The following CRYGN variants were observed in gnomAD, a reference collection of about 807,000 sequenced individuals.
CRYGN encodes gamma-crystallin N.
Under a neutral mutation model 19.2 loss-of-function variants are expected in CRYGN, and 17 were observed. That is an observed-to-expected ratio of 0.89 (90% confidence interval 0.61 to 1.33). CRYGN has a LOEUF of 1.33. Ranked by LOEUF, CRYGN falls within the 40% of genes most tolerant of loss-of-function variation. The pLI, the probability that CRYGN is intolerant of heterozygous loss-of-function variation, is 0.00. For synonymous variants in CRYGN, 84 were observed against 85.8 expected (o/e 0.98, Z 0.12); for missense variants, 239 against 239.6 (o/e 1.00, Z 0.02).
rs773826703 is a variant in CRYGN at position 151,436,193 on chromosome 7, A to C, written c.403T>G (p.Tyr135Asp). 1 of 1,536,006 alleles carries C rather than the reference A, an allele frequency of 6.5e-7. No homozygotes were observed. The highest frequency in any genetic ancestry group is 1.4e-5 in the African/African-American group (1 of 71,848). Residue 135 changes from tyrosine to aspartate, a missense_variant, in exon 3 of 4, where the codon TAC (tyrosine) becomes GAC (aspartate). Coordinates refer to ENST00000337323, the MANE Select transcript of CRYGN (RefSeq NM_144727.3). This position sits in a 1 kb window ranked among gnomAD's most constrained non-coding sequence, Gnocchi z 5.1. The stretch of plus-strand genomic sequence containing the variant: ...GCCTGTACTCACGCTCCGTCCCCGT[A>C]CACCTTGATGGTGTTCACACAGTTC... ...VKNCVNTIKV[Y>D]GDGAAWSPRS...
Position 151,431,212 on chromosome 7 carries a change from C to T in CRYGN, c.417-1032G>A, listed in dbSNP as rs1584821260. Among the ~76,000 whole-genome samples the T allele has an allele frequency of 1.3e-5, 2 of 152,280 alleles. No homozygotes were observed. Among genetic ancestry groups the T allele is most frequent in the African/African-American group, 2.4e-5 (1 of 41,562 alleles). On this transcript the variant is annotated intron_variant, in intron 3 of 3. Coordinates refer to ENST00000337323, the MANE Select transcript of CRYGN (RefSeq NM_144727.3). This position sits in a 1 kb window ranked among gnomAD's most constrained non-coding sequence, Gnocchi z 4.8. Reference sequence around the variant, plus strand: ...CACCCCCAGGGACCAGAGTTCCCCTCGTGGGACCTTTCCTCTCTCCCCAGT... The same window carrying T: ...CACCCCCAGGGACCAGAGTTCCCCTTGTGGGACCTTTCCTCTCTCCCCAGT...
rs1801422507 is a variant in CRYGN, at chr7:151,429,747, A to G, written c.*301T>C. 2.2e-6 allele frequency: 1 copy of G among 444,740 alleles called. No homozygotes were observed. Among genetic ancestry groups the G allele is most frequent in the Non-Finnish European group, 4.1e-6 (1 of 242,966 alleles). The allele number at this position is 444,740 out of a possible 1,614,324, so 27.5% of individuals were successfully genotyped here. Reference sequence around the variant, plus strand: ...GGCATTAAGTCAGTGCTCCATAAATATTCATCAACATCATCACCATCATCA... The same window carrying G: ...GGCATTAAGTCAGTGCTCCATAAATGTTCATCAACATCATCACCATCATCA... On this transcript the variant is annotated 3_prime_UTR_variant, in exon 4 of 4. Coordinates refer to ENST00000337323, the MANE Select transcript of CRYGN (RefSeq NM_144727.3).
chr7:151,429,658 T>C lies in CRYGN; in HGVS notation c.*390A>G, dbSNP rs1193493939. On this transcript the variant is annotated 3_prime_UTR_variant, in exon 4 of 4. Coordinates refer to ENST00000337323, the MANE Select transcript of CRYGN (RefSeq NM_144727.3). ...CTCAACTGTACAGTGGTGATAAGCATATCATCTTGGCATTATTGTATATGA... is the reference window on the plus strand; with the variant it reads ...CTCAACTGTACAGTGGTGATAAGCACATCATCTTGGCATTATTGTATATGA... 1 of 293,016 alleles carries C rather than the reference T, an allele frequency of 3.4e-6. No individual in the cohort carries two copies. The highest frequency in any genetic ancestry group is 6.6e-6 in the Non-Finnish European group (1 of 151,844). 18.2% of individuals were successfully genotyped at this position (293,016 alleles called of 1,614,324 possible).
chr7:151,435,065 C>A lies in CRYGN; in HGVS notation c.416+1115G>T, dbSNP rs1039830548. ...GGTTGGAGCCCATGGACATGGGGTA[C>A]CACCTGTGCCCAGCTCTGCCTCGGC... On this transcript the variant is annotated intron_variant, in intron 3 of 3. Transcript: ENST00000337323. The surrounding 1 kb of genome is among the most constrained non-coding windows in gnomAD (Gnocchi z 4.2). Among the ~76,000 whole-genome samples, 1 of 152,242 alleles carries A rather than the reference C, an allele frequency of 6.6e-6. No individual in the cohort carries two copies. The highest frequency in any genetic ancestry group is 1.5e-5 in the Non-Finnish European group (1 of 68,046).
chr7:151,430,849 T>C lies in CRYGN; in HGVS notation c.417-669A>G, dbSNP rs1801447598. On this transcript the variant is annotated intron_variant, in intron 3 of 3. Transcript: ENST00000337323. The surrounding 1 kb of genome is among the most constrained non-coding windows in gnomAD (Gnocchi z 5.2). ...GGGAGCCAGTTGGTTGGGGGGACTC[T>C]GGGATCGCAGTCGGGGATTAGAGGC... Among the ~76,000 whole-genome samples the C allele has an allele frequency of 6.6e-6, 1 of 152,178 alleles. No individual in the cohort carries two copies.
Position 151,430,474 on chromosome 7 carries a change from G to A in CRYGN, c.417-294C>T, listed in dbSNP as rs900536941. On this transcript the variant is annotated intron_variant, in intron 3 of 3. Coordinates refer to ENST00000337323, the MANE Select transcript of CRYGN (RefSeq NM_144727.3). The surrounding 1 kb of genome is among the most constrained non-coding windows in gnomAD (Gnocchi z 5.2). ...ACTCTTTTTCCATTGCTCTCTCAGTGAGGGATGGGGAGAGGTTGGAGGACA... is the reference window on the plus strand; with the variant it reads ...ACTCTTTTTCCATTGCTCTCTCAGTAAGGGATGGGGAGAGGTTGGAGGACA... 5.9e-5 allele frequency among the ~76,000 whole-genome samples: 9 copies of A among 152,166 alleles called. No homozygotes were observed. The highest frequency in any genetic ancestry group is 1.9e-4 in the African/African-American group (8 of 41,436).
chr7:151,440,061 G>C lies in CRYGN; in HGVS notation c.-144C>G. On this transcript the variant is annotated 5_prime_UTR_variant, in exon 1 of 4. Coordinates refer to ENST00000337323, the MANE Select transcript of CRYGN (RefSeq NM_144727.3). ...TGCTAAGCCCGAGGGGCCACCAGGC[G>C]GTTGGGACCCGCCGCGGCCACCCTG... 1 of 1,358,946 alleles carries C rather than the reference G, an allele frequency of 7.4e-7. No homozygotes were observed. The highest frequency in any genetic ancestry group is 9.4e-7 in the Non-Finnish European group (1 of 1,059,254). 84.2% of individuals were successfully genotyped at this position (1,358,946 alleles called of 1,614,324 possible).
At chr7:151,434,127 C>G (rs1801541802) in intron 3 of CRYGN, among the ~76,000 whole-genome samples, 1 of 152,176 alleles carries the variant, frequency 6.6e-6, no homozygotes, top group Admixed American at 6.5e-5. Flanking sequence ...ACCTCCTTGA[C>G]AAGGGCTTAC....
Position 151,429,893 on chromosome 7 carries a change from T to G in CRYGN, c.*155A>C, listed in dbSNP as rs1415342837. 1 of 675,100 alleles carries G rather than the reference T, an allele frequency of 1.5e-6. No individual in the cohort carries two copies. Among genetic ancestry groups the G allele is most frequent in the Non-Finnish European group, 2.7e-6 (1 of 367,490 alleles). 41.8% of individuals were successfully genotyped at this position (675,100 alleles called of 1,614,324 possible). On this transcript the variant is annotated 3_prime_UTR_variant, in exon 4 of 4. Transcript: ENST00000337323. ...GAAGAGACAGGGCCCTTGCCATGGG[T>G]GGGGAGGGCCTCCCGCTGGCAGATA...
Position 151,430,204 on chromosome 7 carries a change from G to GA in CRYGN, c.417-25_417-24insT, listed in dbSNP as rs1563078828. ...CTCTGTGGTTTGCAGGTGAAAGGAGGTGGGGCCAGGGCATTAGGGGTACAG... is the reference window on the plus strand; with the variant it reads ...CTCTGTGGTTTGCAGGTGAAAGGAGGATGGGGCCAGGGCATTAGGGGTACAG... On this transcript the variant is annotated intron_variant, in intron 3 of 3. Coordinates refer to ENST00000337323, the MANE Select transcript of CRYGN (RefSeq NM_144727.3). This position sits in a 1 kb window ranked among gnomAD's most constrained non-coding sequence, Gnocchi z 5.2. The GA allele has an allele frequency of 1.9e-6, 3 of 1,612,934 alleles. No homozygotes were observed. The highest frequency in any genetic ancestry group is 3.3e-5 in the Admixed American group (2 of 60,020).
At chr7:151,434,097 C>T (rs919025690) in intron 3 of CRYGN, among the ~76,000 whole-genome samples, 2 of 152,100 alleles carry the variant, frequency 1.3e-5, no homozygotes, top group African/African-American at 4.8e-5. Context: ...CCCTCCGGAT[C>T]GAGGGGACCT....
rs112959402 is a variant in CRYGN, at chr7:151,431,496, G to T, written c.417-1316C>A. ...GCTTGGTGCTGCACCAGCTGAAGAC[G>T]CGAGCCGCCGGTTCTGGGTCTGCCA... On this transcript the variant is annotated intron_variant, in intron 3 of 3. Transcript: ENST00000337323. The surrounding 1 kb of genome is among the most constrained non-coding windows in gnomAD (Gnocchi z 4.8). Among the ~76,000 whole-genome samples the T allele has an allele frequency of 0.021, 3,160 of 152,252 alleles. 52 individuals carry two copies. The highest frequency in any genetic ancestry group is 0.033 in the Non-Finnish European group (2,259 of 67,990).
In CRYGN at chr7:151,432,767, G is replaced by A. The variant is rs190513673; in HGVS notation, c.417-2587C>T. On this transcript the variant is annotated intron_variant, in intron 3 of 3. Coordinates refer to ENST00000337323, the MANE Select transcript of CRYGN (RefSeq NM_144727.3). ...TGCAGTGAGCCGAGATTGCGCCACT[G>A]CATTTCAGCCATCCTTGGCAAGGAT... Among the ~76,000 whole-genome samples the A allele has an allele frequency of 1.1e-3, 165 of 152,302 alleles. 2 individuals carry two copies. The highest frequency in any genetic ancestry group is 3.4e-3 in the Middle Eastern group (1 of 294).
rs1254540876 is a variant in CRYGN, at chr7:151,435,759, T to C, written c.416+421A>G. Among the ~76,000 whole-genome samples, 1 of 152,294 alleles carries C rather than the reference T, an allele frequency of 6.6e-6. No individual in the cohort carries two copies. Among genetic ancestry groups the C allele is most frequent in the African/African-American group, 2.4e-5 (1 of 41,578 alleles). On this transcript the variant is annotated intron_variant, in intron 3 of 3. Transcript: ENST00000337323. The surrounding 1 kb of genome is among the most constrained non-coding windows in gnomAD (Gnocchi z 4.2). Reference sequence around the variant, plus strand: ...CTTCTCAGAGCAAGTGAGCCCACTGTGGCTTTTCCAGCCCATAAGGCCCTG... The same window carrying C: ...CTTCTCAGAGCAAGTGAGCCCACTGCGGCTTTTCCAGCCCATAAGGCCCTG...
Position 151,436,356 on chromosome 7 carries a change from A to ACCACC in CRYGN, c.271-32_271-31insGGTGG. On this transcript the variant is annotated intron_variant, in intron 2 of 3. Transcript: ENST00000337323. The surrounding 1 kb of genome is among the most constrained non-coding windows in gnomAD (Gnocchi z 5.1). The stretch of plus-strand genomic sequence containing the variant: ...AGACCAAGCAAAAAAGAAGGAAAGA[A>ACCACC]GGAGGTTGCTGTGAATTCCCCTCTC... 1.2e-5 allele frequency: 18 copies of ACCACC among 1,486,620 alleles called. No homozygotes were observed. The highest frequency in any genetic ancestry group is 2.8e-5 in the African/African-American group (2 of 70,360). 92.1% of individuals were successfully genotyped at this position (1,486,620 alleles called of 1,614,324 possible).
At chr7:151,440,153 C>T, upstream of CRYGN, 2 of 1,295,668 alleles carry the variant, frequency 1.5e-6, no homozygotes, top group Non-Finnish European at 2.0e-6. Context: ...GCTCCCGAGC[C>T]TCCTTCCTCC....
At chr7:151,434,344 G>C (rs972238766) in intron 3 of CRYGN, among the ~76,000 whole-genome samples, 6 of 152,146 alleles carry the variant, frequency 3.9e-5, no homozygotes, top group African/African-American at 1.4e-4. Flanking sequence ...TAGGGCCTCA[G>C]GACATCCTCC....
In CRYGN at chr7:151,436,256, C is replaced by T. The variant is rs1231093390; in HGVS notation, c.340G>A (p.Glu114Lys). 12 of 1,599,874 alleles carry T rather than the reference C, an allele frequency of 7.5e-6. No individual in the cohort carries two copies. The East Asian group carries it at 9.1e-5, about 12-fold the overall frequency. Residue 114 changes from glutamate to lysine, a missense_variant, in exon 3 of 4, where the codon GAG becomes AAG. Glu to Lys is a moderately conservative substitution (Grantham distance 56, BLOSUM62 1). Coordinates refer to ENST00000337323, the MANE Select transcript of CRYGN (RefSeq NM_144727.3). This position sits in a 1 kb window ranked among gnomAD's most constrained non-coding sequence, Gnocchi z 5.1. ...NFTGQCLEFL[E>K]DSPFLQSRGW... ...CTGCTCTGGAGGAAGGGGCTGTCCT[C>T]CAGGAACTCCAGGCACTGGCCCGTG...
Position 151,435,197 on chromosome 7 carries a change from A to T in CRYGN, c.416+983T>A, listed in dbSNP as rs984720756. Among the ~76,000 whole-genome samples the T allele has an allele frequency of 2.6e-5, 4 of 152,188 alleles. No homozygotes were observed. The highest frequency in any genetic ancestry group is 6.5e-5 in the Admixed American group (1 of 15,274). ...GGCAAATTGTTCCTCAATTGCTTCGATAGGCGCCAGAACCATGCACAGCCA... is the reference window on the plus strand; with the variant it reads ...GGCAAATTGTTCCTCAATTGCTTCGTTAGGCGCCAGAACCATGCACAGCCA... On this transcript the variant is annotated intron_variant, in intron 3 of 3. Transcript: ENST00000337323. This position sits in a 1 kb window ranked among gnomAD's most constrained non-coding sequence, Gnocchi z 4.2.
Sources: gnomAD v4.1 joint callset for allele counts (sites outside exome capture counted in the v4.1 genomes callset) on GRCh38, gnomAD v4.1.1 for gene constraint, Gnocchi (gnomAD v3.1) non-coding constraint, MANE v1.5 for transcripts, NCBI Gene and HGNC (gene_info 2026-07-23, HGNC 2026-07-21) for gene names.